Variants in CALN1 observed in about 807,000 individuals in gnomAD.
CALN1 encodes calneuron 1.
A neutral mutation model predicts 30.6 loss-of-function variants in CALN1; 17 were observed. The ratio of observed to expected loss-of-function variants is 0.56; its 90% confidence interval spans 0.38 to 0.83. The LOEUF (loss-of-function observed/expected upper bound fraction) is 0.83, where lower values mean the gene tolerates loss of function less well. Ranked by LOEUF, CALN1 falls within the 40% of genes least tolerant of loss-of-function variation. CALN1 has a pLI of 0.00. For synonymous variants in CALN1, 156 were observed against 131.4 expected (o/e 1.19, Z -1.28); for missense variants, 291 against 354.9 (o/e 0.82, Z 1.45).
At chr7:72,410,507 T>C (rs532786255) in intron 1 of CALN1, among the ~76,000 whole-genome samples, 2 of 152,300 alleles carry the variant, frequency 1.3e-5, no homozygotes, top group South Asian at 2.1e-4. Flanking sequence ...AAATAAAATA[T>C]ATACACAAGC....
At chr7:72,492,189 A>C in the CALN1 span, among the ~76,000 whole-genome samples, 3 of 152,244 alleles carry the variant, frequency 2.0e-5, no homozygotes, top group Non-Finnish European at 4.4e-5. Context: ...TGTGAACTAC[A>C]TTTGTTCTCA....
At chr7:72,287,173 T>C (rs1257825001) in intron 2 of CALN1, among the ~76,000 whole-genome samples, 1 of 152,138 alleles carries the variant, frequency 6.6e-6, no homozygotes, top group Non-Finnish European at 1.5e-5. Flanking sequence ...AGAAATAACA[T>C]ATTACACTGA....
intron 2 of CALN1, among the ~76,000 whole-genome samples, chr7:72,302,043 A>T (rs971447483): frequency 4.6e-5 from 7 of 152,212 alleles, no homozygotes; most frequent in Non-Finnish European, 8.8e-5. Flanking sequence ...GGCTGCTAAA[A>T]AAAAAACAGT....
intron 5 of CALN1, among the ~76,000 whole-genome samples, chr7:71,956,501 T>G (rs1796968381): frequency 2.0e-5 from 3 of 150,186 alleles, no homozygotes; most frequent in Admixed American, 2.0e-4. Context: ...CTTTTTTTTT[T>G]TTTTAAACAG....
At chr7:72,499,829 CTTTCTTTCTTT>C in the CALN1 span, among the ~76,000 whole-genome samples, 1 of 25,424 alleles carries the variant, frequency 3.9e-5, no homozygotes, top group Non-Finnish European at 6.9e-5. Flanking sequence ...TTCCTTCCTT[CTTTCTTTCTTT>C]CTTTCTTTCT....
chr7:72,175,239 A>G (rs1789266795), intron 3 of CALN1, among the ~76,000 whole-genome samples: 1 of 151,912 alleles, frequency 6.6e-6, no homozygotes, highest in Non-Finnish European at 1.5e-5. Context: ...ACACCCAGCT[A>G]ATTTTTTGTA....
intron 5 of CALN1, among the ~76,000 whole-genome samples, chr7:71,818,207 A>C (rs1434857613): frequency 6.6e-6 from 1 of 151,900 alleles, no homozygotes; most frequent in African/African-American, 2.4e-5. Flanking sequence ...GGTGGGTCAG[A>C]GGGGGCTTTC....
At chr7:72,380,277 C>G (rs904345787) in intron 2 of CALN1, among the ~76,000 whole-genome samples, 1 of 152,102 alleles carries the variant, frequency 6.6e-6, no homozygotes, top group African/African-American at 2.4e-5. Flanking sequence ...TATGAGAAGA[C>G]ACTGCAACAC....
At chr7:71,921,064 A>T (rs1267857796) in intron 5 of CALN1, among the ~76,000 whole-genome samples, 2 of 152,198 alleles carry the variant, frequency 1.3e-5, no homozygotes, top group Non-Finnish European at 2.9e-5. Context: ...AGGGATATGG[A>T]TGAAGCTGGA....
At chr7:71,884,164 C>T (rs998194796) in intron 5 of CALN1, among the ~76,000 whole-genome samples, 7 of 152,136 alleles carry the variant, frequency 4.6e-5, no homozygotes, top group Admixed American at 2.0e-4. Flanking sequence ...CTGTCCCCCT[C>T]GGCCTCCCAA....
chr7:71,790,363 GAAAGA>G (rs1252261766), intron 6 of CALN1, among the ~76,000 whole-genome samples: 6 of 83,954 alleles, frequency 7.1e-5, no homozygotes, highest in Admixed American at 2.7e-4. Context: ...AAGAAAGAAA[GAAAGA>G]AAAGAAAGAA....
intron 4 of CALN1, among the ~76,000 whole-genome samples, chr7:72,038,156 T>C (rs2129533353): frequency 6.6e-6 from 1 of 151,666 alleles, no homozygotes; most frequent in East Asian, 2.0e-4. Flanking sequence ...AGGATGTTTT[T>C]ATTTAACCGA....
chr7:71,973,730 T>TC (rs1384198740), intron 5 of CALN1, among the ~76,000 whole-genome samples: 1 of 152,056 alleles, frequency 6.6e-6, no homozygotes, highest in African/African-American at 2.4e-5. Context: ...GCCTAAGTCT[T>TC]CATCTCCATT....
At chr7:72,066,989 A>G (rs557027523) in intron 4 of CALN1, among the ~76,000 whole-genome samples, 1 of 150,320 alleles carries the variant, frequency 6.7e-6, no homozygotes, top group South Asian at 2.1e-4. Flanking sequence ...GGGTTTTACC[A>G]TGTTGCCCAG....
intron 2 of CALN1, among the ~76,000 whole-genome samples, chr7:72,374,038 G>GTGAAA (rs1491501788): frequency 6.6e-6 from 1 of 152,200 alleles, no homozygotes; most frequent in Non-Finnish European, 1.5e-5. Flanking sequence ...AGGAATGAAG[G>GTGAAA]TGAAATAAAG....
intron 3 of CALN1, among the ~76,000 whole-genome samples, chr7:72,199,214 G>C (rs1791244390): frequency 6.6e-6 from 1 of 152,190 alleles, no homozygotes; most frequent in African/African-American, 2.4e-5. Flanking sequence ...GGTGAAGGTT[G>C]CAGTGAGCTG....
chr7:72,280,078 A>G (rs776015730), intron 2 of CALN1, among the ~76,000 whole-genome samples: 2 of 152,246 alleles, frequency 1.3e-5, no homozygotes, highest in Non-Finnish European at 2.9e-5. Flanking sequence ...TCCATTAAGC[A>G]GACCCAGCTA....
chr7:72,190,905 C>T (rs1790549271), intron 3 of CALN1, among the ~76,000 whole-genome samples: 1 of 151,988 alleles, frequency 6.6e-6, no homozygotes, highest in South Asian at 2.1e-4. Context: ...GATTGGCATT[C>T]AATGGTATGT....
intron 2 of CALN1, among the ~76,000 whole-genome samples, chr7:72,379,408 G>A (rs1443692429): frequency 1.3e-5 from 2 of 152,228 alleles, no homozygotes; most frequent in African/African-American, 4.8e-5. Context: ...AACAGTTATA[G>A]GGTGCATACC....
Sources: allele counts gnomAD v4.1 joint callset (sites outside exome capture counted in the v4.1 genomes callset), GRCh38; gene constraint gnomAD v4.1.1; transcripts MANE v1.5; gene names NCBI Gene and HGNC (gene_info 2026-07-23, HGNC 2026-07-21).